The following IL19 variants were observed in gnomAD, a reference collection of about 807,000 sequenced individuals.
The protein encoded by IL19 is interleukin 19, also known as interleukin-19.
A neutral mutation model predicts 19.5 loss-of-function variants in IL19; 15 were observed. The ratio of observed to expected loss-of-function variants is 0.77; its 90% CI spans 0.52 to 1.19. The LOEUF is 1.19. Among genes scored for constraint, IL19 ranks in the 50% most tolerant of loss-of-function variants. IL19 has a pLI of 0.00. For missense variants in IL19, 199 were observed against 213.1 expected, an observed-to-expected ratio of 0.93 and a Z score of 0.41; for synonymous variants, 78 against 78.3, an observed-to-expected ratio of 1.00 and a Z score of 0.02.
chr1:206,794,390 G>A (rs1056325533), intron 1 of IL19, among the ~76,000 whole-genome samples: 3 of 152,100 alleles, frequency 2.0e-5, no homozygotes, highest in African/African-American at 7.2e-5. Context: ...TCTGTCACCT[G>A]TTCCATGACT....
chr1:206,810,055 G>T (rs1437666323), intron 2 of IL19, among the ~76,000 whole-genome samples: 1 of 152,178 alleles, frequency 6.6e-6, no homozygotes, highest in Non-Finnish European at 1.5e-5. Flanking sequence ...ACCCTTCTTT[G>T]GGGGTTGGAG....
chr1:206,794,528 G>A (rs1675475810), intron 1 of IL19, among the ~76,000 whole-genome samples: 1 of 152,096 alleles, frequency 6.6e-6, no homozygotes, highest in African/African-American at 2.4e-5. Flanking sequence ...GTTGGCCCCG[G>A]GTCCTCCTGT....
intron 1 of IL19, among the ~76,000 whole-genome samples, chr1:206,785,090 C>T (rs1162895440): frequency 6.6e-6 from 1 of 152,152 alleles, no homozygotes; most frequent in Non-Finnish European, 1.5e-5. Flanking sequence ...AAAAGGCGAG[C>T]AGGCAGGGAG....
At chr1:206,771,181 G>C (rs1043665980) in intron 1 of IL19, 103 bp downstream of exon 1, 1 of 1,243,400 alleles carries the variant, frequency 8.0e-7, no homozygotes, top group Non-Finnish European at 1.2e-6. Context: ...AAGCCTCCCC[G>C]AAGGGACTGA....
intron 1 of IL19, among the ~76,000 whole-genome samples, chr1:206,781,449 G>GA (rs901597598): frequency 4.6e-4 from 58 of 126,430 alleles, no homozygotes; most frequent in African/African-American, 1.6e-3. Context: ...GAAAAAAAAA[G>GA]AAAAAAAAGA....
intron 6 of IL19, 132 bp downstream of exon 6, chr1:206,841,210 T>C (rs2102493034): frequency 4.3e-6 from 3 of 696,632 alleles, no homozygotes; most frequent in Non-Finnish European, 7.8e-6. Context: ...AGGCCTCAAT[T>C]CTCTGTGTCT....
intron 1 of IL19, among the ~76,000 whole-genome samples, chr1:206,795,562 A>G (rs934298225): frequency 1.3e-5 from 2 of 152,176 alleles, no homozygotes; most frequent in Non-Finnish European, 2.9e-5. Context: ...AGGATTGTGA[A>G]CTGTAGAATG....
At chr1:206,802,913 C>A (rs964748628) in intron 2 of IL19, among the ~76,000 whole-genome samples, 28 of 152,296 alleles carry the variant, frequency 1.8e-4, no homozygotes, top group African/African-American at 5.1e-4. Flanking sequence ...AGGGGAATGT[C>A]AAAGAAATAA....
At chr1:206,790,933 A>T (rs1445031393) in intron 1 of IL19, among the ~76,000 whole-genome samples, 1 of 152,242 alleles carries the variant, frequency 6.6e-6, no homozygotes, top group African/African-American at 2.4e-5. Flanking sequence ...TGAGGATGAC[A>T]TGATAGATGA....
At chr1:206,773,684 G>A (rs1273943790) in intron 1 of IL19, among the ~76,000 whole-genome samples, 1 of 151,398 alleles carries the variant, frequency 6.6e-6, no homozygotes, top group East Asian at 1.9e-4. Context: ...CTCTACCTGG[G>A]GAAGGACCGG....
intron 2 of IL19, among the ~76,000 whole-genome samples, chr1:206,805,160 C>CT (rs1468562797): frequency 3.3e-5 from 5 of 152,162 alleles, no homozygotes; most frequent in East Asian, 3.8e-4. Context: ...GGTTATTTAC[C>CT]TTTTTGTGCT....
chr1:206,840,072 C>T (rs753753681), intron 5 of IL19, 70 bp downstream of exon 5: 3 of 1,535,050 alleles, frequency 2.0e-6, no homozygotes, highest in African/African-American at 1.4e-5. Context: ...AAGTGCTGGC[C>T]CCCATCGGCC....
chr1:206,771,258 GC>G, intron 1 of IL19, 180 bp downstream of exon 1: 1 of 1,266,802 alleles, frequency 7.9e-7, no homozygotes. Flanking sequence ...CCTTTTCAAA[GC>G]GAAGGAAACA....
chr1:206,835,587 G>A (rs776031479), intron 2 of IL19, among the ~76,000 whole-genome samples: 5 of 152,256 alleles, frequency 3.3e-5, no homozygotes, highest in East Asian at 1.9e-4. Context: ...TACAGTCCTC[G>A]CAGCTGGCTC....
intron 1 of IL19, among the ~76,000 whole-genome samples, chr1:206,778,052 C>T (rs12122923): frequency 0.073 from 11,110 of 152,240 alleles, 462 homozygotes; most frequent in African/African-American, 0.11. Context: ...TCAGAATAAA[C>T]GCCTGGTGGG....
intron 2 of IL19, among the ~76,000 whole-genome samples, chr1:206,806,796 T>C (rs1029199603): frequency 6.6e-6 from 1 of 152,222 alleles, no homozygotes; most frequent in African/African-American, 2.4e-5. Context: ...TGTCACAGCC[T>C]ATTAAGTTGC....
At chr1:206,808,950 T>C (rs1675929819) in intron 2 of IL19, among the ~76,000 whole-genome samples, 1 of 152,020 alleles carries the variant, frequency 6.6e-6, no homozygotes, top group South Asian at 2.1e-4. Context: ...GAGGATTCTG[T>C]ATGACAGAGA....
At chr1:206,778,005 C>G (rs1173035737) in intron 1 of IL19, among the ~76,000 whole-genome samples, 1 of 152,218 alleles carries the variant, frequency 6.6e-6, no homozygotes, top group Non-Finnish European at 1.5e-5. Context: ...TTCCTCTGGG[C>G]TTTCCTGACA....
At chr1:206,809,852 T>C (rs796504333) in intron 2 of IL19, among the ~76,000 whole-genome samples, 16 of 152,348 alleles carry the variant, frequency 1.1e-4, no homozygotes, top group African/African-American at 3.8e-4. Context: ...CTTCCCCAGA[T>C]TCATCAGTAG....
Sources: gnomAD v4.1 joint callset for allele counts (sites outside exome capture counted in the v4.1 genomes callset) on GRCh38, gnomAD v4.1.1 for gene constraint, MANE v1.5 for transcripts, NCBI Gene and HGNC (gene_info 2026-07-23, HGNC 2026-07-21) for gene names.